OR4A5: variants seen among roughly 807,000 people sequenced by gnomAD.
The protein encoded by OR4A5 is olfactory receptor 4A5.
For synonymous variants in OR4A5, 245 were observed against 138.5 expected (o/e 1.77, Z -5.40); for missense variants, 684 against 381.6 (o/e 1.79, Z -6.60).
chr11:54,707,170 A>G lies in OR4A5; in HGVS notation c.286A>G (p.Met96Val), dbSNP rs778346742. 3.7e-6 allele frequency: 6 copies of G among 1,613,702 alleles called. No homozygotes were observed. The highest frequency in any genetic ancestry group is 5.1e-6 in the Non-Finnish European group (6 of 1,179,854). ...AAAGACTATTTCCTTCCAAGGTTGCATGGGCCAGCTATTTATAGACCATTT... is the reference window on the plus strand; with the variant it reads ...AAAGACTATTTCCTTCCAAGGTTGCGTGGGCCAGCTATTTATAGACCATTT... ...DKKTISFQGCMGQLFIDHFFG... is the reference protein window; with the variant it reads ...DKKTISFQGCVGQLFIDHFFG... Residue 96 changes from methionine (M) to valine (V), a missense_variant, in exon 1 of 1, where the codon ATG becomes GTG. Physicochemically the swap from Met to Val is conservative, Grantham distance 21 (BLOSUM62 1). Coordinates refer to ENST00000319760, the MANE Select transcript of OR4A5 (RefSeq NM_001005272.3).
Position 54,707,891 on chromosome 11 carries a change from T to G in OR4A5, c.*59T>G, listed in dbSNP as rs1237382543. On this transcript the variant is annotated 3_prime_UTR_variant, in exon 1 of 1. Coordinates refer to ENST00000319760, the MANE Select transcript of OR4A5 (RefSeq NM_001005272.3). ...AAGTTTTCAGGTTTCTAAGGGCAAG[T>G]CAAGGATCCCAAAGAAAGAAGACAG... 1.4e-6 allele frequency: 1 copy of G among 733,004 alleles called. No individual in the cohort carries two copies. Among genetic ancestry groups the G allele is most frequent in the East Asian group, 2.7e-5 (1 of 36,516 alleles). The allele number at this position is 733,004 out of a possible 1,614,324, so 45.4% of individuals were successfully genotyped here.
chr11:54,707,855 T>A lies in OR4A5; in HGVS notation c.*23T>A, dbSNP rs755425313. 4 of 1,135,214 alleles carry A rather than the reference T, an allele frequency of 3.5e-6. No individual in the cohort carries two copies. Among genetic ancestry groups the A allele is most frequent in the Admixed American group, 2.7e-5 (1 of 37,566 alleles). 70.3% of individuals were successfully genotyped at this position (1,135,214 alleles called of 1,614,324 possible). A position where few individuals can be genotyped will look rare whatever the true frequency, so the allele number is the denominator to read the frequency against. On this transcript the variant is annotated 3_prime_UTR_variant, in exon 1 of 1. Transcript: ENST00000319760. ...TAGGTAAGGAGGTATGTAGTCAAGG[T>A]CTTCCCAGTGAAGTTTTCAGGTTTC... is the stretch of plus-strand genomic sequence containing the variant.
Position 54,707,782 on chromosome 11 carries a change from G to A in OR4A5, c.898G>A (p.Gly300Ser). The A allele has an allele frequency of 1.3e-6, 2 of 1,575,070 alleles. No homozygotes were observed. Among genetic ancestry groups the A allele is most frequent in the Admixed American group, 1.8e-5 (1 of 56,486 alleles). Residue 300 changes from glycine (G) to serine (S), a missense_variant, in exon 1 of 1, where the codon GGT becomes AGT. Gly to Ser is a moderately conservative substitution (Grantham distance 56, BLOSUM62 0). Coordinates refer to ENST00000319760, the MANE Select transcript of OR4A5 (RefSeq NM_001005272.3). ...GAGAAATGCTATAGAAAAACTCTTG[G>A]GTAAAAAGTTAACTATATTTATTAT... ...EMRNAIEKLL[G>S]KKLTIFIIGG...
Position 54,707,412 on chromosome 11 carries a change from T to C in OR4A5, c.528T>C (p.Cys176=), listed in dbSNP as rs772444239. ...CCAATGTCATTGTTCATTTCAGTTGTGACATGCACCCATTACTGGAACTGG... is the reference window on the plus strand; with the variant it reads ...CCAATGTCATTGTTCATTTCAGTTGCGACATGCACCCATTACTGGAACTGG... ...CGPNVIVHFS[C]DMHPLLELAC... is the part of the protein sequence containing the mutation. Residue 176 remains cysteine, a synonymous_variant, in exon 1 of 1, where the codon TGT becomes TGC. Coordinates refer to ENST00000319760, the MANE Select transcript of OR4A5 (RefSeq NM_001005272.3). The C allele has an allele frequency of 1.9e-6, 3 of 1,613,598 alleles. No homozygotes were observed. Among genetic ancestry groups the C allele is most frequent in the Non-Finnish European group, 2.5e-6 (3 of 1,179,882 alleles).
At position 54,707,281 on chromosome 11, in the gene OR4A5, A is replaced by C. The variant is rs1199207803; in HGVS notation, c.397A>C (p.Ile133Leu). Residue 133 changes from isoleucine to leucine, a missense_variant, in exon 1 of 1, where the codon ATC becomes CTC. Transcript: ENST00000319760. ...AICKPLHYLT[I>L]MNRQVCFLLL... ...CTGTAAGCCACTGCACTATTTGACC[A>C]TCATGAATCGACAGGTTTGCTTCCT... is the stretch of plus-strand genomic sequence containing the variant. 6.2e-7 allele frequency: 1 copy of C among 1,613,562 alleles called. No homozygotes were observed. Among genetic ancestry groups the C allele is most frequent in the Non-Finnish European group, 8.5e-7 (1 of 1,179,860 alleles).
Sources: allele counts gnomAD v4.1 joint callset, GRCh38; gene constraint gnomAD v4.1.1; transcripts MANE v1.5; gene names NCBI Gene and HGNC (gene_info 2026-07-23, HGNC 2026-07-21).